PARD3B: variants seen among roughly 807,000 people sequenced by gnomAD.
The protein encoded by PARD3B is partitioning defective 3 homolog B.
PARD3B carries 103 observed loss-of-function variants against 130.2 expected under a neutral mutation model. That is an observed-to-expected ratio of 0.79 (90% CI 0.67 to 0.93). The LOEUF (loss-of-function observed/expected upper bound fraction) is 0.93, where lower values mean the gene tolerates loss of function less well. PARD3B is among the 40% of genes least tolerant of loss of function. The pLI is 0.00. For missense variants in PARD3B, 1,609 were observed against 1,499.2 expected (o/e 1.07, Z -1.21); for synonymous variants, 583 against 553.2 (o/e 1.05, Z -0.76).
At chr2:205,016,660 T>C (rs896116697) in intron 3 of PARD3B, among the ~76,000 whole-genome samples, 1 of 152,136 alleles carries the variant, frequency 6.6e-6, no homozygotes, top group East Asian at 1.9e-4. Flanking sequence ...AAAATATAGG[T>C]TTCCAGAGAT....
At chr2:204,951,549 T>A (rs1248383169) in intron 2 of PARD3B, among the ~76,000 whole-genome samples, 1 of 152,212 alleles carries the variant, frequency 6.6e-6, no homozygotes, top group African/African-American at 2.4e-5. Flanking sequence ...TAAGTTCACT[T>A]TGTGTATTTA....
intron 10 of PARD3B, among the ~76,000 whole-genome samples, chr2:205,129,743 T>C (rs942318642): frequency 3.3e-5 from 5 of 152,238 alleles, no homozygotes; most frequent in East Asian, 1.9e-4. Context: ...TTCCTTGTTA[T>C]CGTTAGCTTC....
At chr2:204,729,984 TACAC>T (rs1193199067) in intron 2 of PARD3B, among the ~76,000 whole-genome samples, 6 of 81,726 alleles carry the variant, frequency 7.3e-5, no homozygotes, top group African/African-American at 2.6e-4. Context: ...TAGTTACAGA[TACAC>T]ACACACACAA....
At chr2:205,087,621 A>C (rs1701819885) in intron 4 of PARD3B, among the ~76,000 whole-genome samples, 1 of 152,162 alleles carries the variant, frequency 6.6e-6, no homozygotes, top group East Asian at 1.9e-4. Context: ...GAATGCAATA[A>C]AGTTAAGAAT....
chr2:204,954,038 G>A (rs912888070), intron 2 of PARD3B, among the ~76,000 whole-genome samples: 5 of 152,130 alleles, frequency 3.3e-5, no homozygotes, highest in South Asian at 2.1e-4. Context: ...CCCAGTTAGC[G>A]AGGCATCATT....
Position 205,300,464 on chromosome 2 carries a change from G to A in PARD3B, c.2186-66G>A. ...GGATGTCCAGACAGAAATATTCTTA[G>A]AACAATAGCATTACACCACACTGCC... On this transcript the variant is annotated intron_variant, in intron 16 of 22. Coordinates refer to ENST00000406610, the MANE Select transcript of PARD3B (RefSeq NM_001302769.2). The surrounding 1 kb of genome is among the most constrained non-coding windows in gnomAD (Gnocchi z 4.1). 1 of 1,416,200 alleles carries A rather than the reference G, an allele frequency of 7.1e-7. No individual in the cohort carries two copies. The highest frequency in any genetic ancestry group is 9.9e-7 in the Non-Finnish European group (1 of 1,007,762). The allele number at this position is 1,416,200 out of a possible 1,614,324, so 87.7% of individuals were successfully genotyped here. A position where few individuals can be genotyped will look rare whatever the true frequency, so the allele number is the denominator to read the frequency against.
chr2:205,490,421 T>C (rs1174891902), intron 20 of PARD3B, among the ~76,000 whole-genome samples: 1 of 152,212 alleles, frequency 6.6e-6, no homozygotes, highest in African/African-American at 2.4e-5. Context: ...GCTTCATCCA[T>C]GTCCCTACAA....
intron 2 of PARD3B, among the ~76,000 whole-genome samples, chr2:204,914,994 C>A (rs546644762): frequency 6.6e-6 from 1 of 152,226 alleles, no homozygotes; most frequent in Admixed American, 6.5e-5. Context: ...AGATTCCCAC[C>A]TTCGCACCCC....
In PARD3B at chr2:204,943,207, T is replaced by TAA. The variant is rs1328038676; in HGVS notation, c.223-21944_223-21943dup. ...ATATATATGTGTGTGTATATATATA[T>TAA]AATATGTTAATTTTCATAGATCCAA... On this transcript the variant is annotated intron_variant, in intron 2 of 22. Transcript: ENST00000406610. This position sits in a 1 kb window ranked among gnomAD's most constrained non-coding sequence, Gnocchi z 4.2. Among the ~76,000 whole-genome samples, 1 of 152,012 alleles carries TAA rather than the reference T, an allele frequency of 6.6e-6. No individual in the cohort carries two copies. Among genetic ancestry groups the TAA allele is most frequent in the East Asian group, 1.9e-4 (1 of 5,192 alleles).
chr2:205,327,713 G>A lies in PARD3B; in HGVS notation c.2630+26012G>A, dbSNP rs187188222. ...GCTCATTTTCCTTTTCAAACAAAGAGAAAGAGAGGAATAAGCTCCACCTCA... is the reference window on the plus strand; with the variant it reads ...GCTCATTTTCCTTTTCAAACAAAGAAAAAGAGAGGAATAAGCTCCACCTCA... On this transcript the variant is annotated intron_variant, in intron 18 of 22. Transcript: ENST00000406610. Among the ~76,000 whole-genome samples, 3 of 152,284 alleles carry A rather than the reference G, an allele frequency of 2.0e-5. No homozygotes were observed. The East Asian group carries it at 5.8e-4, about 29-fold the overall frequency.
intron 2 of PARD3B, among the ~76,000 whole-genome samples, chr2:204,883,086 T>C (rs1183371195): frequency 6.6e-6 from 1 of 152,106 alleles, no homozygotes; most frequent in Non-Finnish European, 1.5e-5. Context: ...ATTTGTATGT[T>C]TTCTTTGTAA....
At chr2:204,585,808 AATAT>A (rs1298151870) in intron 1 of PARD3B, among the ~76,000 whole-genome samples, 10 of 152,132 alleles carry the variant, frequency 6.6e-5, no homozygotes, top group Admixed American at 6.5e-4. Flanking sequence ...TTATACTTAA[AATAT>A]ATATAGTTTT....
intron 18 of PARD3B, among the ~76,000 whole-genome samples, chr2:205,378,603 AAGTTAGC>A (rs1468061066): frequency 2.0e-5 from 3 of 151,804 alleles, no homozygotes; most frequent in Non-Finnish European, 4.4e-5. Context: ...CCAGGGCTGG[AAGTTAGC>A]AGAAAAGAGA....
intron 1 of PARD3B, among the ~76,000 whole-genome samples, chr2:204,632,404 C>T (rs767073345): frequency 3.3e-5 from 5 of 152,106 alleles, no homozygotes; most frequent in Admixed American, 6.5e-5. Context: ...AGTGTTCTTG[C>T]GCTGATTCTT....
intron 22 of PARD3B, among the ~76,000 whole-genome samples, chr2:205,573,492 TC>T (rs2106553010): frequency 6.6e-6 from 1 of 152,198 alleles, no homozygotes; most frequent in Non-Finnish European, 1.5e-5. Flanking sequence ...CTCAAAGTCA[TC>T]CATGGCAACC....
chr2:205,131,748 C>G (rs1386664693), intron 10 of PARD3B, among the ~76,000 whole-genome samples: 2 of 152,042 alleles, frequency 1.3e-5, no homozygotes. Context: ...TTAGAAAGTA[C>G]TAAAGTACAA....
chr2:204,829,170 G>A (rs2125562413), intron 2 of PARD3B, among the ~76,000 whole-genome samples: 1 of 152,324 alleles, frequency 6.6e-6, no homozygotes, highest in South Asian at 2.1e-4. Flanking sequence ...TGTTATAGCA[G>A]CAATGTAAGG....
At chr2:205,342,467 T>G (rs1164269768) in intron 18 of PARD3B, among the ~76,000 whole-genome samples, 1 of 152,208 alleles carries the variant, frequency 6.6e-6, no homozygotes, top group Non-Finnish European at 1.5e-5. Flanking sequence ...TTTCTTTGTT[T>G]TAAAATTACC....
intron 3 of PARD3B, among the ~76,000 whole-genome samples, chr2:205,040,600 CT>C (rs1698328201): frequency 6.6e-6 from 1 of 152,172 alleles, no homozygotes; most frequent in Admixed American, 6.5e-5. Flanking sequence ...CCTATACTGT[CT>C]TTCTATGCTA....
Sources: allele counts gnomAD v4.1 joint callset (sites outside exome capture counted in the v4.1 genomes callset), GRCh38; gene constraint gnomAD v4.1.1; non-coding constraint Gnocchi (gnomAD v3.1); transcripts MANE v1.5; gene names NCBI Gene and HGNC (gene_info 2026-07-23, HGNC 2026-07-21).